The following SEMA6D variants were observed in gnomAD, a reference collection of about 807,000 sequenced individuals.
SEMA6D encodes semaphorin-6D.
SEMA6D carries 35 observed loss-of-function variants against 106.6 expected under a neutral mutation model. That is an observed-to-expected ratio of 0.33 (90% CI 0.25 to 0.44). The LOEUF is 0.44. SEMA6D is among the 20% of genes least tolerant of loss of function. The probability of loss-of-function intolerance (pLI) is 1.00; values close to 1 mark genes in which losing one functional copy is unlikely to be tolerated. For synonymous variants in SEMA6D, 499 were observed against 487.7 expected (o/e 1.02, Z -0.31); for missense variants, 1,185 against 1,345.9 (o/e 0.88, Z 1.87).
In SEMA6D at chr15:47,771,438, G is replaced by A. The variant is rs1278912343; in HGVS notation, c.2875G>A (p.Glu959Lys). Residue 959 changes from glutamate (E) to lysine (K), a missense_variant, in exon 19 of 19, where the codon GAA (glutamate) becomes AAA (lysine). Around this residue, in one of 3 missense-constraint regions of SEMA6D, gnomAD observed 750 missense variants for 783.5 expected, o/e 0.96. Transcript: ENST00000536845. Reference sequence around the variant, plus strand: ...TCCTGGAGTCCCAATGACTTCTCTGGAAAGACAAAGAGGTTATCACAAAAA... The same window carrying A: ...TCCTGGAGTCCCAATGACTTCTCTGAAAAGACAAAGAGGTTATCACAAAAA... ...TTPGVPMTSL[E>K]RQRGYHKNSS... 10 of 1,613,942 alleles carry A rather than the reference G, an allele frequency of 6.2e-6. No individual in the cohort carries two copies. The highest frequency in any genetic ancestry group is 8.5e-6 in the Non-Finnish European group (10 of 1,180,008).
chr15:47,536,464 T>G (rs1353351597), intron 3 of SEMA6D, among the ~76,000 whole-genome samples: 1 of 152,220 alleles, frequency 6.6e-6, no homozygotes, highest in Non-Finnish European at 1.5e-5. Context: ...TCTTAGCTAA[T>G]GCAAGTTCAG....
intron 3 of SEMA6D, among the ~76,000 whole-genome samples, chr15:47,586,161 G>A (rs951408494): frequency 6.6e-6 from 1 of 152,118 alleles, no homozygotes; most frequent in African/African-American, 2.4e-5. Flanking sequence ...TGACAAAAAG[G>A]TGCCTTTTAA....
rs1356535019 is a variant in SEMA6D, at chr15:47,279,490, C to T, written c.-239+95072C>T. Among the ~76,000 whole-genome samples the T allele has an allele frequency of 4.5e-3, 663 of 148,782 alleles. 11 individuals carry two copies. Among genetic ancestry groups the T allele is most frequent in the African/African-American group, 0.016 (625 of 39,744 alleles). On this transcript the variant is annotated intron_variant, in intron 1 of 19. Coordinates refer to the SEMA6D transcript ENST00000558014. The stretch of plus-strand genomic sequence containing the variant: ...TCTGCAAACAGGGACAATTTGATTT[C>T]CTCTTTTCCTAATTGAATACCCTTT...
At chr15:47,644,557 G>A (rs1596518575) in intron 4 of SEMA6D, among the ~76,000 whole-genome samples, 2 of 152,330 alleles carry the variant, frequency 1.3e-5, no homozygotes, top group South Asian at 4.1e-4. Flanking sequence ...GCTCCTCCCT[G>A]GTGATTGGGG....
At chr15:47,598,257 A>C (rs1047526198) in intron 3 of SEMA6D, among the ~76,000 whole-genome samples, 7 of 152,164 alleles carry the variant, frequency 4.6e-5, no homozygotes, top group Admixed American at 4.6e-4. Context: ...TGGGCACTTC[A>C]GTGCCCTCAT....
At chr15:47,315,552 T>C (rs1291865652) in intron 1 of SEMA6D, among the ~76,000 whole-genome samples, 1 of 152,238 alleles carries the variant, frequency 6.6e-6, no homozygotes, top group African/African-American at 2.4e-5. Flanking sequence ...TTTTGTTCTT[T>C]TCCTTCAATA....
chr15:47,345,020 C>T (rs184762217), intron 1 of SEMA6D, among the ~76,000 whole-genome samples: 1 of 152,204 alleles, frequency 6.6e-6, no homozygotes, highest in African/African-American at 2.4e-5. Flanking sequence ...ACCCTGAAAA[C>T]TAGATTTCAG....
chr15:47,198,144 CAT>C (rs1894485947), intron 1 of SEMA6D, among the ~76,000 whole-genome samples: 1 of 152,038 alleles, frequency 6.6e-6, no homozygotes, highest in South Asian at 2.1e-4. Flanking sequence ...AAATTGATCT[CAT>C]AGATGTGGAG....
At chr15:47,287,985 G>A (rs141483409) in intron 1 of SEMA6D, among the ~76,000 whole-genome samples, 174 of 152,214 alleles carry the variant, frequency 1.1e-3, no homozygotes, top group African/African-American at 4.1e-3. Flanking sequence ...AAAAGCAGGA[G>A]CAAAAGAGAG....
At chr15:47,376,691 C>G (rs890413625) in intron 1 of SEMA6D, among the ~76,000 whole-genome samples, 5 of 152,170 alleles carry the variant, frequency 3.3e-5, no homozygotes, top group African/African-American at 4.8e-5. Flanking sequence ...AGCACTGGCT[C>G]TTTATTAGGT....
chr15:47,763,267 T>C (rs943246847), intron 9 of SEMA6D, among the ~76,000 whole-genome samples, 163 bp downstream of exon 9: 1 of 152,140 alleles, frequency 6.6e-6, no homozygotes, highest in Non-Finnish European at 1.5e-5. Context: ...GAATAATTGC[T>C]GGAAAACATC....
chr15:47,710,585 C>T (rs1044737082), intron 4 of SEMA6D, among the ~76,000 whole-genome samples: 3 of 152,130 alleles, frequency 2.0e-5, no homozygotes, highest in Non-Finnish European at 2.9e-5. Context: ...AAAATACACA[C>T]GCACACACAC....
intron 1 of SEMA6D, among the ~76,000 whole-genome samples, chr15:47,736,580 G>A (rs1363098062): frequency 2.0e-5 from 3 of 152,144 alleles, no homozygotes; most frequent in Admixed American, 1.3e-4. Flanking sequence ...TGGTGATGTA[G>A]GGTGATTACT....
chr15:47,264,035 G>A (rs1039122507), intron 1 of SEMA6D, among the ~76,000 whole-genome samples: 1 of 151,664 alleles, frequency 6.6e-6, no homozygotes, highest in Non-Finnish European at 1.5e-5. Flanking sequence ...ACAAGGTCAT[G>A]TCCTTTGCAG....
chr15:47,507,498 C>G (rs983146516), intron 3 of SEMA6D, among the ~76,000 whole-genome samples: 1 of 152,184 alleles, frequency 6.6e-6, no homozygotes, highest in Non-Finnish European at 1.5e-5. Context: ...GAAACCAGGC[C>G]TGCCACTCCA....
chr15:47,313,680 T>G (rs568209447), intron 1 of SEMA6D, among the ~76,000 whole-genome samples: 1 of 152,268 alleles, frequency 6.6e-6, no homozygotes, highest in South Asian at 2.1e-4. Context: ...TCCTCCCACC[T>G]CAGCCTTCCG....
chr15:47,300,767 A>ACC (rs1293403574), intron 1 of SEMA6D, among the ~76,000 whole-genome samples: 1 of 152,132 alleles, frequency 6.6e-6, no homozygotes, highest in Non-Finnish European at 1.5e-5. Context: ...TCCTTCTGCC[A>ACC]CCCATCTGCC....
At chr15:47,454,025 A>G (rs538250024) in intron 2 of SEMA6D, among the ~76,000 whole-genome samples, 25 of 152,046 alleles carry the variant, frequency 1.6e-4, no homozygotes, top group South Asian at 6.2e-4. Flanking sequence ...GCATACTGCT[A>G]TCCAGCTAGT....
intron 1 of SEMA6D, among the ~76,000 whole-genome samples, chr15:47,736,168 A>C: frequency 6.6e-6 from 1 of 152,180 alleles, no homozygotes; most frequent in East Asian, 1.9e-4. Context: ...ATTGTGTAGC[A>C]GTAGGCTGTT....
Sources: allele counts gnomAD v4.1 joint callset (sites outside exome capture counted in the v4.1 genomes callset), GRCh38; gene constraint gnomAD v4.1.1; regional missense constraint gnomAD v4.1.1; transcripts MANE v1.5; gene names NCBI Gene and HGNC (gene_info 2026-07-23, HGNC 2026-07-21).